Variants in TSTD2 observed in about 807,000 individuals in gnomAD.
TSTD2 encodes the protein thiosulfate sulfurtransferase/rhodanese-like domain-containing protein 2.
In TSTD2, 37 loss-of-function variants were observed where a neutral mutation model predicts 47.9. That is an observed-to-expected ratio of 0.77 (90% CI 0.59 to 1.02). The LOEUF (loss-of-function observed/expected upper bound fraction) is 1.02. Among genes scored for constraint, TSTD2 ranks in the 50% least tolerant of loss-of-function variants. The probability of loss-of-function intolerance (pLI) is 0.00; values close to 1 mark genes in which losing one functional copy is unlikely to be tolerated. For missense variants in TSTD2, 586 were observed against 616.0 expected (o/e 0.95, Z 0.52); for synonymous variants, 201 against 215.9 (o/e 0.93, Z 0.61).
At chr9:97,604,673 T>G (rs758790346) in intron 9 of TSTD2, 54 bp downstream of exon 9, 1 of 1,609,184 alleles carries the variant, frequency 6.2e-7, no homozygotes, top group Non-Finnish European at 8.5e-7. Context: ...TCTAGAATAG[T>G]GAACTGACAA....
intron 1 of TSTD2, among the ~76,000 whole-genome samples, chr9:97,632,009 T>C (rs1339052519): frequency 6.6e-6 from 1 of 152,214 alleles, no homozygotes; most frequent in African/African-American, 2.4e-5. Flanking sequence ...GTCGTTAGAA[T>C]ATATCAGCGC....
At position 97,600,435 on chromosome 9, in the gene TSTD2, T is replaced by G; in HGVS notation, c.*2034A>C. On this transcript the variant is annotated 3_prime_UTR_variant, in exon 10 of 10. Coordinates refer to ENST00000341170, the MANE Select transcript of TSTD2 (RefSeq NM_139246.5). The stretch of plus-strand genomic sequence containing the variant: ...GAACATTTGGGATTTATGTACAATT[T>G]AATACTGGAGTTAGAACTTTTTCCT... 1.0e-6 allele frequency: 1 copy of G among 985,694 alleles called. No homozygotes were observed. The highest frequency in any genetic ancestry group is 1.2e-6 in the Non-Finnish European group (1 of 830,088). 61.1% of individuals were successfully genotyped at this position (985,694 alleles called of 1,614,324 possible).
At chr9:97,625,322 C>T (rs1308363368) in intron 3 of TSTD2, among the ~76,000 whole-genome samples, 2 of 152,156 alleles carry the variant, frequency 1.3e-5, no homozygotes, top group Non-Finnish European at 2.9e-5. Flanking sequence ...TATTCATTCT[C>T]CTGTTGATGG....
chr9:97,627,349 C>G, intron 2 of TSTD2, 49 bp downstream of exon 2: 1 of 1,513,656 alleles, frequency 6.6e-7, no homozygotes, highest in Non-Finnish European at 8.9e-7. Context: ...CCAAATGTAT[C>G]TGCGTTAACC....
chr9:97,602,265 T>C lies in TSTD2; in HGVS notation c.*204A>G. Reference sequence around the variant, plus strand: ...CTCACCTATTTTCTGTGCTCTAGCATCATCCAAATCAGAATGTCTCAGGTA... The same window carrying C: ...CTCACCTATTTTCTGTGCTCTAGCACCATCCAAATCAGAATGTCTCAGGTA... On this transcript the variant is annotated 3_prime_UTR_variant, in exon 10 of 10. Transcript: ENST00000341170. 1 of 616,084 alleles carries C rather than the reference T, an allele frequency of 1.6e-6. No individual in the cohort carries two copies. The allele number at this position is 616,084 out of a possible 1,614,324, so 38.2% of individuals were successfully genotyped here. A position where few individuals can be genotyped will look rare whatever the true frequency, so the allele number is the denominator to read the frequency against.
rs181692754 is a variant in TSTD2 at position 97,604,752 on chromosome 9, C to T, written c.1227G>A (p.Leu409=). 6.2e-7 allele frequency: 1 copy of T among 1,614,216 alleles called. No homozygotes were observed. Among genetic ancestry groups the T allele is most frequent in the East Asian group, 2.2e-5 (1 of 44,884 alleles). The change falls in exon 9 of 10, where the codon CTG becomes CTA. Residue 409 remains leucine, a synonymous_variant. Coordinates refer to ENST00000341170, the MANE Select transcript of TSTD2 (RefSeq NM_139246.5). ...CTGACACCACATCACTGTTGTAGGA[C>T]AGAGCATAGCGTTCATCAAAAACAA... ...KLFVFDERYA[L]SYNSDVVSEC...
chr9:97,604,512 G>C, intron 9 of TSTD2: 2 of 594,462 alleles, frequency 3.4e-6, no homozygotes, highest in Non-Finnish European at 5.6e-6. Context: ...GCTAGCAATG[G>C]TGAAGCCAGG....
At chr9:97,605,836 G>C (rs1333895872) in intron 7 of TSTD2, among the ~76,000 whole-genome samples, 195 bp from the exon 8 acceptor site, 1 of 152,172 alleles carries the variant, frequency 6.6e-6, no homozygotes, top group Non-Finnish European at 1.5e-5. Context: ...ACCTTCCCAG[G>C]GTCCTCAGGG....
At position 97,600,852 on chromosome 9, in the gene TSTD2, G is replaced by GTGTT. The variant is rs1483857454; in HGVS notation, c.*1613_*1616dup. 3 of 1,088,988 alleles carry GTGTT rather than the reference G, an allele frequency of 2.8e-6. No homozygotes were observed. The highest frequency in any genetic ancestry group is 5.0e-5 in the Admixed American group (1 of 20,026). 67.5% of individuals were successfully genotyped at this position (1,088,988 alleles called of 1,614,324 possible). A position where few individuals can be genotyped will look rare whatever the true frequency, so the allele number is the denominator to read the frequency against. ...GTGCGTCTCTTGGGATCCAGCAAAA[G>GTGTT]TGTTAAGCCACAATGCCCTTGTGCC... On this transcript the variant is annotated 3_prime_UTR_variant, in exon 10 of 10. Coordinates refer to ENST00000341170, the MANE Select transcript of TSTD2 (RefSeq NM_139246.5).
chr9:97,630,764 T>C (rs2131320043), intron 1 of TSTD2, among the ~76,000 whole-genome samples: 1 of 152,294 alleles, frequency 6.6e-6, no homozygotes, highest in South Asian at 2.1e-4. Flanking sequence ...GGTTTCATCA[T>C]AAATTTTCCC....
rs1025252845 is a variant in TSTD2 at position 97,633,315 on chromosome 9, G to C, written c.-123C>G. The C allele has an allele frequency of 2.5e-5, 8 of 317,028 alleles. No homozygotes were observed. Among genetic ancestry groups the C allele is most frequent in the Admixed American group, 2.5e-4 (5 of 19,866 alleles). The allele number at this position is 317,028 out of a possible 1,614,324, so 19.6% of individuals were successfully genotyped here. On this transcript the variant is annotated 5_prime_UTR_variant, in exon 1 of 10. Coordinates refer to ENST00000341170, the MANE Select transcript of TSTD2 (RefSeq NM_139246.5). ...CGCCTAGCAATTGTCACTGCTCACC[G>C]CCCTCGAGCCTATTCCCCCGCCGCG...
intron 6 of TSTD2, 48 bp downstream of exon 6, chr9:97,610,295 TTAA>T (rs767749903): frequency 2.7e-6 from 4 of 1,502,154 alleles, no homozygotes; most frequent in African/African-American, 1.4e-5. Flanking sequence ...TATTTGTCTA[TTAA>T]GTTTTGTCCC....
At chr9:97,607,192 T>C (rs968900863) in intron 6 of TSTD2, among the ~76,000 whole-genome samples, 2 of 152,148 alleles carry the variant, frequency 1.3e-5, no homozygotes. Flanking sequence ...AAGGGACTAA[T>C]AGGAGAGAAC....
chr9:97,602,561 G>A lies in TSTD2; in HGVS notation c.1459C>T (p.Arg487Cys), dbSNP rs773614212. 57 of 1,614,062 alleles carry A rather than the reference G, an allele frequency of 3.5e-5. No homozygotes were observed. The highest frequency in any genetic ancestry group is 4.2e-5 in the Non-Finnish European group (49 of 1,180,034). The stretch of plus-strand genomic sequence containing the variant: ...TGCTGCAAGAGTTCCCTAGGTATGC[G>A]TGGCCGTCGGGCTGTGCACTCGCAT... ...EECECTARRPRIPRELLQHVR... is the reference protein window; with the variant it reads ...EECECTARRPCIPRELLQHVR... Residue 487 changes from arginine to cysteine, a missense_variant, in exon 10 of 10, where the codon CGC becomes TGC. Transcript: ENST00000341170.
intron 2 of TSTD2, among the ~76,000 whole-genome samples, chr9:97,627,040 A>G (rs1587984539): frequency 6.6e-6 from 1 of 151,804 alleles, no homozygotes. Context: ...CCATTATAGC[A>G]TTTATCTTCT....
chr9:97,610,976 T>C (rs1158334690), intron 5 of TSTD2: 1 of 152,572 alleles, frequency 6.6e-6, no homozygotes, highest in Non-Finnish European at 1.5e-5. Context: ...TGTCCAAGAT[T>C]TGGAGTCCCA....
chr9:97,629,541 G>T lies in TSTD2; in HGVS notation c.-50-1929C>A, dbSNP rs1259275026. ...TTTGAAAAATAAGTGGAAGAGACTG[G>T]GTGAAGAAATACTACCTTCTTTAGC... On this transcript the variant is annotated intron_variant, in intron 1 of 9. Coordinates refer to ENST00000341170, the MANE Select transcript of TSTD2 (RefSeq NM_139246.5). 3.3e-5 allele frequency among the ~76,000 whole-genome samples: 5 copies of T among 152,288 alleles called. No individual in the cohort carries two copies. The East Asian group carries it at 9.6e-4, about 29-fold the overall frequency.
rs2131309315 is a variant in TSTD2, at chr9:97,611,719, A to G, written c.604-20T>C. 6.3e-7 allele frequency: 1 copy of G among 1,592,740 alleles called. No individual in the cohort carries two copies. The highest frequency in any genetic ancestry group is 8.6e-7 in the Non-Finnish European group (1 of 1,162,558). ...TCGAATCTGAGACACAAGACGGTGA[A>G]AAAGAGAACAGATTGTTCTTAGCTT... On this transcript the variant is annotated intron_variant, in intron 4 of 9. Coordinates refer to ENST00000341170, the MANE Select transcript of TSTD2 (RefSeq NM_139246.5).
chr9:97,602,489 C>T lies in TSTD2; in HGVS notation c.1531G>A (p.Asp511Asn), dbSNP rs1480557929. Reference protein sequence around the residue: ...SPEPGPDADEDGPVLM With the variant: ...SPEPGPDADENGPVLM ...GCTGCTCACATAAGCACTGGCCCAT[C>T]CTCATCAGCATCAGGCCCTGGCTCT... Residue 511 changes from aspartate to asparagine, a missense_variant, in exon 10 of 10, where the codon GAT becomes AAT. Asp to Asn is a conservative substitution (Grantham distance 23, BLOSUM62 1). Coordinates refer to ENST00000341170, the MANE Select transcript of TSTD2 (RefSeq NM_139246.5). 1.1e-5 allele frequency: 17 copies of T among 1,611,732 alleles called. No individual in the cohort carries two copies. The highest frequency in any genetic ancestry group is 1.4e-5 in the Non-Finnish European group (17 of 1,178,696).
Sources: allele counts gnomAD v4.1 joint callset (sites outside exome capture counted in the v4.1 genomes callset), GRCh38; gene constraint gnomAD v4.1.1; transcripts MANE v1.5; gene names NCBI Gene and HGNC (gene_info 2026-07-23, HGNC 2026-07-21).